Variants in MORC1 observed in about 807,000 individuals in gnomAD.
MORC1 encodes the protein MORC family CW-type zinc finger 1, also known as MORC family CW-type zinc finger protein 1.
MORC1 carries 59 observed loss-of-function variants against 134.9 expected under a neutral mutation model. The ratio of observed to expected loss-of-function variants is 0.44; its 90% confidence interval spans 0.35 to 0.54. MORC1 has a LOEUF of 0.54. Among genes scored for constraint, MORC1 ranks in the 20% least tolerant of loss-of-function variants. MORC1 has a pLI of 0.00. For missense variants in MORC1, 947 were observed against 1,134.5 expected, an observed-to-expected ratio of 0.83 and a Z score of 2.37; for synonymous variants, 395 against 391.7, an observed-to-expected ratio of 1.01 and a Z score of -0.10.
intron 24 of MORC1, among the ~76,000 whole-genome samples, chr3:108,978,223 C>T (rs1947617931): frequency 6.6e-6 from 1 of 152,188 alleles, no homozygotes; most frequent in Admixed American, 6.5e-5. Context: ...TGAGGTCTGG[C>T]CTGCTTTTGT....
At chr3:109,032,985 G>C (rs1356788590) in intron 15 of MORC1, among the ~76,000 whole-genome samples, 160 bp from the exon 16 acceptor site, 2 of 151,208 alleles carry the variant, frequency 1.3e-5, no homozygotes, top group East Asian at 3.9e-4. Flanking sequence ...ATCTATTCTA[G>C]GGTTCTATGA....
chr3:109,068,011 G>C (rs1360851997), intron 9 of MORC1, among the ~76,000 whole-genome samples: 1 of 152,148 alleles, frequency 6.6e-6, no homozygotes, highest in African/African-American at 2.4e-5. Context: ...AAAGAATTTA[G>C]AGCCAGAAGG....
At chr3:109,111,050 T>TAAA (rs11344763) in intron 2 of MORC1, among the ~76,000 whole-genome samples, 568 of 113,844 alleles carry the variant, frequency 5.0e-3, no homozygotes, top group Non-Finnish European at 6.8e-3. Context: ...GGATATAATT[T>TAAA]AAAAAAAAAA....
intron 9 of MORC1, among the ~76,000 whole-genome samples, chr3:109,067,072 A>C (rs1356268440): frequency 6.6e-6 from 1 of 152,196 alleles, no homozygotes; most frequent in African/African-American, 2.4e-5. Context: ...CTGTTTCAGA[A>C]GCATAGTGTT....
chr3:109,115,327 A>T, intron 1 of MORC1, among the ~76,000 whole-genome samples: 1 of 43,680 alleles, frequency 2.3e-5, no homozygotes, highest in African/African-American at 9.5e-5. Context: ...TGTATTTTTA[A>T]AACACACACA....
At chr3:109,069,268 AAT>A (rs1950264627) in intron 9 of MORC1, among the ~76,000 whole-genome samples, 1 of 152,332 alleles carries the variant, frequency 6.6e-6, no homozygotes, top group Non-Finnish European at 1.5e-5. Context: ...GTATAATATA[AAT>A]ATGTATATAT....
rs1576764389 is a variant in MORC1 at position 109,118,031 on chromosome 3, C to T, written c.29G>A (p.Arg10Gln). ...GATGAAATCCAGACGCAGCTGGGCC[C>T]GCTGAAGCGCAGGGTACCTGTCGTC... is the stretch of plus-strand genomic sequence containing the variant. Reference protein sequence around the residue: MDDRYPALQRAQLRLDFIHA... With the variant: MDDRYPALQQAQLRLDFIHA... The change falls in exon 1 of 28, where the codon CGG becomes CAG. Residue 10 changes from arginine to glutamine, a missense_variant. Around this residue, in one of 3 missense-constraint regions of MORC1, gnomAD observed 214 missense variants for 281.3 expected, o/e 0.76. Coordinates refer to ENST00000232603, the MANE Select transcript of MORC1 (RefSeq NM_014429.4). 11 of 1,609,636 alleles carry T rather than the reference C, an allele frequency of 6.8e-6. No homozygotes were observed. Among genetic ancestry groups the T allele is most frequent in the South Asian group, 1.1e-5 (1 of 89,822 alleles).
intron 9 of MORC1, among the ~76,000 whole-genome samples, chr3:109,065,173 T>C (rs936877662): frequency 1.3e-5 from 2 of 152,102 alleles, no homozygotes; most frequent in African/African-American, 4.8e-5. Flanking sequence ...TGAAATCAAT[T>C]CTCCACTCAA....
chr3:109,078,552 C>T (rs1048656075), intron 8 of MORC1, among the ~76,000 whole-genome samples: 11 of 151,496 alleles, frequency 7.3e-5, no homozygotes, highest in African/African-American at 2.4e-4. Flanking sequence ...TATTATATAA[C>T]GCAGAGGAGA....
chr3:109,079,691 C>T (rs746242058), intron 8 of MORC1, among the ~76,000 whole-genome samples: 1 of 151,934 alleles, frequency 6.6e-6, no homozygotes, highest in Non-Finnish European at 1.5e-5. Flanking sequence ...ACAGAAGACA[C>T]AAAATCACAA....
intron 7 of MORC1, among the ~76,000 whole-genome samples, chr3:109,094,565 C>T (rs1950792618): frequency 6.6e-6 from 1 of 152,114 alleles, no homozygotes; most frequent in African/African-American, 2.4e-5. Context: ...CTCTTACATA[C>T]CTGTTATCAC....
chr3:109,059,769 CAG>C, intron 12 of MORC1, 35 bp downstream of exon 12: 1 of 1,584,598 alleles, frequency 6.3e-7, no homozygotes, highest in Non-Finnish European at 8.6e-7. Flanking sequence ...TAACAGAGTA[CAG>C]AGGATTCCTG....
At chr3:109,077,112 T>C (rs892900230) in intron 8 of MORC1, among the ~76,000 whole-genome samples, 3 of 151,998 alleles carry the variant, frequency 2.0e-5, no homozygotes, top group African/African-American at 7.2e-5. Flanking sequence ...AAGAAGCAAA[T>C]AGTTCTAAGG....
At chr3:109,033,109 T>C (rs1280217276) in intron 15 of MORC1, among the ~76,000 whole-genome samples, 1 of 143,668 alleles carries the variant, frequency 7.0e-6, no homozygotes, top group Non-Finnish European at 1.6e-5. Context: ...CTTCACCTCT[T>C]CTAAAACCAA....
At chr3:108,995,574 GA>G (rs1948179131) in intron 21 of MORC1, among the ~76,000 whole-genome samples, 3 of 152,186 alleles carry the variant, frequency 2.0e-5, no homozygotes, top group Admixed American at 2.0e-4. Context: ...TCTTGGACAA[GA>G]AAAATACTTT....
chr3:109,060,110 T>C (rs1225548433), intron 11 of MORC1, among the ~76,000 whole-genome samples: 1 of 152,164 alleles, frequency 6.6e-6, no homozygotes, highest in African/African-American at 2.4e-5. Flanking sequence ...CTCTGCCTTT[T>C]AGAGAAAGAA....
At chr3:109,091,207 G>C (rs993354094) in intron 8 of MORC1, among the ~76,000 whole-genome samples, 11 of 152,070 alleles carry the variant, frequency 7.2e-5, no homozygotes, top group Admixed American at 2.0e-4. Flanking sequence ...ACTTTGGCAG[G>C]CTGGGGGAGT....
intron 21 of MORC1, among the ~76,000 whole-genome samples, chr3:108,992,990 A>G (rs1331157485): frequency 1.3e-5 from 2 of 152,250 alleles, no homozygotes; most frequent in African/African-American, 4.8e-5. Flanking sequence ...TATAATTCTC[A>G]TAACAACCTT....
At chr3:109,056,029 G>C (rs1455904424) in intron 13 of MORC1, among the ~76,000 whole-genome samples, 1 of 152,112 alleles carries the variant, frequency 6.6e-6, no homozygotes, top group Admixed American at 6.5e-5. Flanking sequence ...CAAGGCCAAG[G>C]AAATGGCATG....
Sources: gnomAD v4.1 joint callset for allele counts (sites outside exome capture counted in the v4.1 genomes callset) on GRCh38, gnomAD v4.1.1 for gene constraint, gnomAD v4.1.1 regional missense constraint, MANE v1.5 for transcripts, NCBI Gene and HGNC (gene_info 2026-07-23, HGNC 2026-07-21) for gene names.